Variants in PLSCR4 observed in about 807,000 individuals in gnomAD.
PLSCR4 encodes phospholipid scramblase 4, also known as Ca(2+)-dependent phospholipid scramblase 4.
A neutral mutation model predicts 36.3 loss-of-function variants in PLSCR4; 25 were observed. The ratio of observed to expected loss-of-function variants is 0.69; its 90% CI spans 0.50 to 0.96. PLSCR4 has a LOEUF of 0.96. Among genes scored for constraint, PLSCR4 ranks in the 40% least tolerant of loss-of-function variants. The probability of loss-of-function intolerance (pLI) is 0.00; values close to 1 mark genes in which losing one functional copy is unlikely to be tolerated. For missense variants in PLSCR4, 408 were observed against 414.7 expected (o/e 0.98, Z 0.14); for synonymous variants, 122 against 132.9 (o/e 0.92, Z 0.56).
chr3:146,236,708 G>A (rs149629604), intron 1 of PLSCR4, among the ~76,000 whole-genome samples: 2,557 of 152,196 alleles, frequency 0.017, 76 homozygotes, highest in African/African-American at 0.058. Context: ...CCGTAAGACC[G>A]TTAAACCGCT....
intron 4 of PLSCR4, among the ~76,000 whole-genome samples, chr3:146,204,141 C>CT (rs2034195037): frequency 6.6e-6 from 1 of 151,904 alleles, no homozygotes; most frequent in Admixed American, 6.6e-5. Flanking sequence ...AGGGGTAGTT[C>CT]TTTGACAAAT....
chr3:146,214,735 G>A (rs2034814088), intron 3 of PLSCR4, among the ~76,000 whole-genome samples: 1 of 152,100 alleles, frequency 6.6e-6, no homozygotes, highest in Non-Finnish European at 1.5e-5. Flanking sequence ...GTTGGGTAGA[G>A]TGTTCTATTA....
At position 146,213,334 on chromosome 3, in the gene PLSCR4, C is replaced by CT. The variant is rs60242461; in HGVS notation, c.119-6574dup. On this transcript the variant is annotated intron_variant, in intron 3 of 8. Coordinates refer to ENST00000354952, the MANE Select transcript of PLSCR4 (RefSeq NM_020353.3). ...TTCATGCAGCATTTAGTAAAATTTC[C>CT]TTTTTTTTTTTTTTTTGTGATGTAG... Among the ~76,000 whole-genome samples, 1,034 of 125,476 alleles carry CT rather than the reference C, an allele frequency of 8.2e-3. 17 individuals are homozygous for CT. The highest frequency in any genetic ancestry group is 0.015 in the Middle Eastern group (3 of 198). 82.3% of individuals were successfully genotyped at this position (125,476 alleles called of 152,430 possible).
intron 1 of PLSCR4, among the ~76,000 whole-genome samples, chr3:146,233,257 T>C (rs1233072288): frequency 2.0e-5 from 3 of 152,132 alleles, no homozygotes; most frequent in African/African-American, 7.2e-5. Context: ...TATGTAGAAA[T>C]AACTGGATAT....
intron 1 of PLSCR4, among the ~76,000 whole-genome samples, chr3:146,247,963 G>GT (rs1420674132): frequency 3.3e-5 from 5 of 152,158 alleles, no homozygotes; most frequent in Non-Finnish European, 7.3e-5. Context: ...AACTTTAGAT[G>GT]TTTTTCTTTT....
intron 1 of PLSCR4, among the ~76,000 whole-genome samples, chr3:146,246,952 GA>G (rs1272577850): frequency 6.6e-6 from 1 of 152,054 alleles, no homozygotes; most frequent in Non-Finnish European, 1.5e-5. Context: ...ACAGACATTA[GA>G]TTTTTTTTCC....
intron 3 of PLSCR4, among the ~76,000 whole-genome samples, chr3:146,208,761 T>C (rs1360015655): frequency 6.6e-6 from 1 of 151,906 alleles, no homozygotes; most frequent in Non-Finnish European, 1.5e-5. Flanking sequence ...ACTCAAAAAA[T>C]AACAGATGTT....
intron 4 of PLSCR4, among the ~76,000 whole-genome samples, chr3:146,202,153 G>T (rs1480694356): frequency 6.6e-6 from 1 of 151,850 alleles, no homozygotes; most frequent in Non-Finnish European, 1.5e-5. Flanking sequence ...AATGACATAA[G>T]GAGACATAAA....
chr3:146,240,724 TG>T (rs1157526569), intron 1 of PLSCR4, among the ~76,000 whole-genome samples: 1 of 152,154 alleles, frequency 6.6e-6, no homozygotes, highest in African/African-American at 2.4e-5. Flanking sequence ...CATATGTCGC[TG>T]AGGAATGTAA....
At chr3:146,207,052 T>G (rs1338017724) in intron 3 of PLSCR4, among the ~76,000 whole-genome samples, 12 of 152,150 alleles carry the variant, frequency 7.9e-5, no homozygotes, top group Admixed American at 7.9e-4. Context: ...AGCTTCTTAA[T>G]AAATTAGGTT....
chr3:146,244,967 G>A (rs746710022), intron 1 of PLSCR4, among the ~76,000 whole-genome samples: 3 of 151,992 alleles, frequency 2.0e-5, no homozygotes, highest in Non-Finnish European at 2.9e-5. Context: ...GTTATTCATG[G>A]GAGGAAGTCA....
intron 4 of PLSCR4, among the ~76,000 whole-genome samples, chr3:146,201,542 A>G (rs2034050193): frequency 6.6e-6 from 1 of 152,060 alleles, no homozygotes; most frequent in Non-Finnish European, 1.5e-5. Flanking sequence ...GCCAGGGTGA[A>G]CCTCACATGG....
At chr3:146,241,920 T>A (rs914682998) in intron 1 of PLSCR4, among the ~76,000 whole-genome samples, 1 of 152,206 alleles carries the variant, frequency 6.6e-6, no homozygotes, top group African/African-American at 2.4e-5. Flanking sequence ...ATCTAAATCA[T>A]AACCTGATAA....
chr3:146,214,933 C>G (rs1048227438), intron 3 of PLSCR4, among the ~76,000 whole-genome samples: 10 of 152,048 alleles, frequency 6.6e-5, no homozygotes, highest in Non-Finnish European at 1.3e-4. Flanking sequence ...ACCAGTTTTA[C>G]TTCATATATT....
chr3:146,194,868 TATCTAAG>T (rs1274189455), intron 8 of PLSCR4, among the ~76,000 whole-genome samples: 1 of 152,198 alleles, frequency 6.6e-6, no homozygotes, highest in African/African-American at 2.4e-5. Context: ...TACCTAATGT[TATCTAAG>T]TACTCCCCTG....
intron 7 of PLSCR4, 153 bp downstream of exon 7, chr3:146,196,473 ATAACTT>A (rs1314515670): frequency 1.5e-6 from 1 of 681,216 alleles, no homozygotes; most frequent in Non-Finnish European, 2.5e-6. Context: ...TCTACTCACA[ATAACTT>A]TAAAATCTTT....
intron 1 of PLSCR4, among the ~76,000 whole-genome samples, chr3:146,229,571 GA>G (rs1457230890): frequency 7.8e-5 from 7 of 90,272 alleles, no homozygotes; most frequent in African/African-American, 2.1e-4. Context: ...GACTGGTCCT[GA>G]TTTTTATCAT....
At chr3:146,223,255 A>T (rs2035257424) in intron 1 of PLSCR4, among the ~76,000 whole-genome samples, 1 of 152,130 alleles carries the variant, frequency 6.6e-6, no homozygotes, top group South Asian at 2.1e-4. Context: ...CAGTCAGGCA[A>T]AAAAAAGGCT....
At position 146,195,178 on chromosome 3, in the gene PLSCR4, T is replaced by G. The variant is rs189123579; in HGVS notation, c.891A>C (p.Pro297=). The G allele has an allele frequency of 6.2e-7, 1 of 1,613,848 alleles. No individual in the cohort carries two copies. Among genetic ancestry groups the G allele is most frequent in the Non-Finnish European group, 8.5e-7 (1 of 1,179,784 alleles). Reference sequence around the variant, plus strand: ...CTTTCATCTTCACATCCAGGTCTAGTGGGAAGTGAATGTCAAAATGGTCAG... The same window carrying G: ...CTTTCATCTTCACATCCAGGTCTAGGGGGAAGTGAATGTCAAAATGGTCAG... ...ADADHFDIHF[P]LDLDVKMKAM... Residue 297 remains proline (P), a synonymous_variant, in exon 8 of 9, where the codon CCA becomes CCC. Transcript: ENST00000354952.
Sources: gnomAD v4.1 joint callset for allele counts (sites outside exome capture counted in the v4.1 genomes callset) on GRCh38, gnomAD v4.1.1 for gene constraint, MANE v1.5 for transcripts, NCBI Gene and HGNC (gene_info 2026-07-23, HGNC 2026-07-21) for gene names.